The following TBC1D32 variants were observed in gnomAD, a reference collection of about 807,000 sequenced individuals.
TBC1D32 encodes protein broad-minded.
A neutral mutation model predicts 170.3 loss-of-function variants in TBC1D32; 151 were observed. The observed-to-expected ratio is 0.89, with a 90% CI of 0.78 to 1.01. The LOEUF is 1.01. Ranked by LOEUF, TBC1D32 falls within the 50% of genes least tolerant of loss-of-function variation. The pLI, the probability that TBC1D32 is intolerant of heterozygous loss-of-function variation, is 0.00. For missense variants in TBC1D32, 1,464 were observed against 1,457.1 expected, an observed-to-expected ratio of 1.00 and a Z score of -0.08; for synonymous variants, 498 against 488.0, an observed-to-expected ratio of 1.02 and a Z score of -0.27.
intron 12 of TBC1D32, among the ~76,000 whole-genome samples, chr6:121,286,941 C>G (rs969719032): frequency 6.6e-5 from 10 of 152,136 alleles, no homozygotes; most frequent in African/African-American, 1.9e-4. Context: ...TCTTTACAGA[C>G]AAGCAAATGC....
intron 24 of TBC1D32, among the ~76,000 whole-genome samples, chr6:121,157,358 TG>T (rs1785036145): frequency 6.6e-6 from 1 of 152,138 alleles, no homozygotes; most frequent in Non-Finnish European, 1.5e-5. Flanking sequence ...TCCATTTGTG[TG>T]GTTGTTTTTC....
intron 5 of TBC1D32, among the ~76,000 whole-genome samples, chr6:121,306,963 C>A (rs1281993708): frequency 6.6e-6 from 1 of 152,080 alleles, no homozygotes; most frequent in Non-Finnish European, 1.5e-5. Context: ...TGTTTATAAG[C>A]CCTTTCGAAT....
At chr6:121,119,069 CTCT>C (rs1245029163) in intron 26 of TBC1D32, among the ~76,000 whole-genome samples, 1 of 152,108 alleles carries the variant, frequency 6.6e-6, no homozygotes. Flanking sequence ...ACGCTTCCTC[CTCT>C]TATTTTCCAT....
chr6:121,283,780 G>A (rs554725518), intron 13 of TBC1D32, 38 bp downstream of exon 13: 2 of 1,441,764 alleles, frequency 1.4e-6, no homozygotes, highest in African/African-American at 1.4e-5. Context: ...ATTTTTAGAT[G>A]TTTTATATTT....
intron 22 of TBC1D32, among the ~76,000 whole-genome samples, chr6:121,198,255 TATATA>T (rs1791075260): frequency 7.0e-6 from 1 of 142,494 alleles, no homozygotes. Flanking sequence ...ATTATATATA[TATATA>T]ATATATATAT....
chr6:121,141,353 A>G (rs555005323), intron 24 of TBC1D32, among the ~76,000 whole-genome samples: 2 of 152,346 alleles, frequency 1.3e-5, no homozygotes, highest in East Asian at 3.9e-4. Context: ...GCAAAGGATC[A>G]GAGGCATAAG....
chr6:121,149,844 G>A (rs1174849659), intron 24 of TBC1D32, among the ~76,000 whole-genome samples: 1 of 152,114 alleles, frequency 6.6e-6, no homozygotes, highest in Non-Finnish European at 1.5e-5. Flanking sequence ...AAATTGCTTT[G>A]GGCAGTATGG....
At chr6:121,218,793 C>T (rs6916050) in intron 21 of TBC1D32, among the ~76,000 whole-genome samples, 97,359 of 151,906 alleles carry the variant, frequency 0.64, 36,715 homozygotes, top group Non-Finnish European at 0.84. Context: ...TACCCCCATG[C>T]TGTTTTCATG....
At chr6:121,215,201 A>G (rs1417753070) in intron 21 of TBC1D32, among the ~76,000 whole-genome samples, 1 of 152,190 alleles carries the variant, frequency 6.6e-6, no homozygotes, top group African/African-American at 2.4e-5. Context: ...CAGGCTCGGA[A>G]AAAGCACTGT....
At chr6:121,311,504 C>T (rs1230267300) in intron 3 of TBC1D32, among the ~76,000 whole-genome samples, 2 of 151,988 alleles carry the variant, frequency 1.3e-5, no homozygotes, top group African/African-American at 2.4e-5. Flanking sequence ...CCAAGGCGGG[C>T]GGATCACGAG....
intron 24 of TBC1D32, among the ~76,000 whole-genome samples, chr6:121,154,473 C>T (rs568978313): frequency 3.2e-4 from 49 of 152,250 alleles, no homozygotes; most frequent in Non-Finnish European, 5.4e-4. Flanking sequence ...TTGTTTTTTA[C>T]TTGTTGATTT....
intron 30 of TBC1D32, among the ~76,000 whole-genome samples, chr6:121,096,905 C>T (rs142008362): frequency 0.011 from 1,708 of 152,174 alleles, 7 homozygotes; most frequent in Middle Eastern, 0.027. Context: ...CATCTACAAC[C>T]ATCTGTTCTT....
At chr6:121,139,001 C>G (rs369970697) in intron 24 of TBC1D32, among the ~76,000 whole-genome samples, 1 of 151,978 alleles carries the variant, frequency 6.6e-6, no homozygotes, top group East Asian at 1.9e-4. Flanking sequence ...CCCGCCACCA[C>G]GCCTGGCTAA....
chr6:121,131,701 G>C lies in TBC1D32; in HGVS notation c.2825C>G (p.Thr942Ser). 1 of 1,609,568 alleles carries C rather than the reference G, an allele frequency of 6.2e-7. No homozygotes were observed. Among genetic ancestry groups the C allele is most frequent in the East Asian group, 2.2e-5 (1 of 44,632 alleles). Residue 942 changes from threonine (T) to serine (S), a missense_variant, in exon 25 of 32, where the codon ACT becomes AGT. Transcript: ENST00000398212. ...TCTTTGGCAGTTTTCTATCCATTCA[G>C]TTTGTTTATCAGATATTTTGAGGCA... The part of the protein sequence containing the change: ...LLCLKISDKQ[T>S]EWIENCQRQF...
chr6:121,269,662 G>T (rs949415939), intron 15 of TBC1D32, among the ~76,000 whole-genome samples: 1 of 152,076 alleles, frequency 6.6e-6, no homozygotes, highest in African/African-American at 2.4e-5. Context: ...CAATAATAAT[G>T]GGAGACTTTA....
At chr6:121,243,360 C>T (rs1294799499) in intron 17 of TBC1D32, among the ~76,000 whole-genome samples, 1 of 151,908 alleles carries the variant, frequency 6.6e-6, no homozygotes, top group Non-Finnish European at 1.5e-5. Context: ...ACTGGCTGAC[C>T]CAATCCCCAT....
intron 9 of TBC1D32, 152 bp from the exon 10 acceptor site, chr6:121,299,657 T>C (rs529571739): frequency 3.3e-5 from 24 of 728,866 alleles, no homozygotes; most frequent in South Asian, 3.2e-4. Context: ...TATGTGTGCA[T>C]TGTATTAGGA....
chr6:121,268,707 A>G (rs1800899519), intron 15 of TBC1D32, among the ~76,000 whole-genome samples: 1 of 152,170 alleles, frequency 6.6e-6, no homozygotes, highest in South Asian at 2.1e-4. Flanking sequence ...ATCCAGGAGA[A>G]CTTCCCCAAC....
chr6:121,317,500 T>G lies in TBC1D32; in HGVS notation c.490A>C (p.Asn164His), dbSNP rs779810260. The G allele has an allele frequency of 5.0e-6, 8 of 1,593,702 alleles. No homozygotes were observed. Among genetic ancestry groups the G allele is most frequent in the Non-Finnish European group, 6.8e-6 (8 of 1,171,410 alleles). The change falls in exon 3 of 32, where the codon AAT becomes CAT. Residue 164 changes from asparagine to histidine, a missense_variant. By Grantham distance (68) the Asn-to-His change is moderately conservative (BLOSUM62 1). Coordinates refer to ENST00000398212, the MANE Select transcript of TBC1D32 (RefSeq NM_152730.6). ...TGCAAAACTGAACAACACACCTGAT[T>G]CAATGATGAATCACTATCAGAGCAA... Reference protein sequence around the residue: ...DNCSDSDSSLNQSYKFCQGKL... With the variant: ...DNCSDSDSSLHQSYKFCQGKL...
Sources: allele counts gnomAD v4.1 joint callset (sites outside exome capture counted in the v4.1 genomes callset), GRCh38; gene constraint gnomAD v4.1.1; transcripts MANE v1.5; gene names NCBI Gene and HGNC (gene_info 2026-07-23, HGNC 2026-07-21).